The following DNAH14 variants were observed in gnomAD, a reference collection of about 807,000 sequenced individuals.
The protein encoded by DNAH14 is dynein axonemal heavy chain 14, also known as axonemal beta dynein heavy chain 14.
In DNAH14, 478 loss-of-function variants were observed where a neutral mutation model predicts 520.9. The ratio of observed to expected loss-of-function variants is 0.92; its 90% CI spans 0.85 to 0.99. The LOEUF (loss-of-function observed/expected upper bound fraction) is 0.99. Ranked by LOEUF, DNAH14 falls within the 50% of genes least tolerant of loss-of-function variation. The pLI, the probability that DNAH14 is intolerant of heterozygous loss-of-function variation, is 0.00. For synonymous variants in DNAH14, 1,581 were observed against 1,757.2 expected (o/e 0.90, Z 2.51); for missense variants, 4,831 against 5,234.5 (o/e 0.92, Z 2.38).
chr1:225,269,424 G>A (rs1348482319), intron 49 of DNAH14, among the ~76,000 whole-genome samples: 2 of 152,136 alleles, frequency 1.3e-5, no homozygotes, highest in African/African-American at 4.8e-5. Flanking sequence ...CATGGCCAAG[G>A]ACTTCATGTC....
chr1:225,394,424 T>C (rs1018450111), intron 84 of DNAH14, among the ~76,000 whole-genome samples: 4 of 152,220 alleles, frequency 2.6e-5, no homozygotes, highest in Non-Finnish European at 2.9e-5. Flanking sequence ...ATCTTTTATT[T>C]AGGGTTAATG....
At chr1:225,182,252 A>G (rs1369207364) in intron 36 of DNAH14, among the ~76,000 whole-genome samples, 2 of 152,102 alleles carry the variant, frequency 1.3e-5, no homozygotes, top group Non-Finnish European at 2.9e-5. Context: ...AAATGTGGAC[A>G]CCTCATATAT....
chr1:225,155,799 C>T (rs1436110066), intron 34 of DNAH14, among the ~76,000 whole-genome samples: 1 of 152,102 alleles, frequency 6.6e-6, no homozygotes, highest in East Asian at 1.9e-4. Context: ...AGCCCCATTT[C>T]TTTGATTCCT....
At chr1:225,019,399 T>C (rs1324953487) in intron 10 of DNAH14, among the ~76,000 whole-genome samples, 2 of 152,182 alleles carry the variant, frequency 1.3e-5, no homozygotes, top group Non-Finnish European at 2.9e-5. Context: ...ACACCCAATA[T>C]TGGAGCATCT....
chr1:225,000,275 A>G (rs1220308277), intron 8 of DNAH14, among the ~76,000 whole-genome samples: 4 of 152,118 alleles, frequency 2.6e-5, no homozygotes. Flanking sequence ...TCCTATGGAT[A>G]AAGTGTTTTT....
chr1:225,095,914 G>T (rs1301358732), intron 21 of DNAH14, among the ~76,000 whole-genome samples: 4 of 152,016 alleles, frequency 2.6e-5, no homozygotes, highest in African/African-American at 9.7e-5. Context: ...TCTTGATTGT[G>T]GTGATGATTT....
rs573926135 is a variant in DNAH14 at position 225,009,090 on chromosome 1, T to C, written c.1107+1546T>C. ...TCACTCTGATGGTAGTTTCTTTTGC[T>C]GTGCAGAAGCTCTTTAGTTTAATTA... On this transcript the variant is annotated intron_variant, in intron 10 of 85. Coordinates refer to ENST00000682510, the MANE Select transcript of DNAH14 (RefSeq NM_001367479.1). Among the ~76,000 whole-genome samples the C allele has an allele frequency of 3.3e-5, 5 of 152,332 alleles. No homozygotes were observed. The East Asian group carries it at 9.6e-4, about 29-fold the overall frequency.
chr1:225,038,211 GC>G (rs2067145109), intron 11 of DNAH14, among the ~76,000 whole-genome samples: 1 of 152,024 alleles, frequency 6.6e-6, no homozygotes, highest in Non-Finnish European at 1.5e-5. Flanking sequence ...AGACATTTTT[GC>G]CAGATGTACC....
chr1:225,276,809 G>A (rs1289939610), intron 53 of DNAH14, among the ~76,000 whole-genome samples: 1 of 150,512 alleles, frequency 6.6e-6, no homozygotes, highest in African/African-American at 2.4e-5. Flanking sequence ...GTAAGTCCCA[G>A]CTACACAGGG....
intron 27 of DNAH14, among the ~76,000 whole-genome samples, chr1:225,135,991 T>C (rs2078924318): frequency 6.6e-6 from 1 of 152,158 alleles, no homozygotes; most frequent in Non-Finnish European, 1.5e-5. Flanking sequence ...CTTTTTTCTG[T>C]TTTCCATTTG....
At chr1:225,161,570 T>C (rs926495495) in intron 35 of DNAH14, among the ~76,000 whole-genome samples, 1 of 152,194 alleles carries the variant, frequency 6.6e-6, no homozygotes, top group African/African-American at 2.4e-5. Context: ...TTTTTAGTTT[T>C]TTGACCAACC....
rs548131411 is a variant in DNAH14 at position 225,351,227 on chromosome 1, C to A, written c.11297-420C>A. ...TTTGAGACCAGCCTGGCCAACATGG[C>A]AAAAAACACAAAAATTAGCTGGGCA... On this transcript the variant is annotated intron_variant, in intron 71 of 85. Transcript: ENST00000682510. Among the ~76,000 whole-genome samples, 1,209 of 152,024 alleles carry A rather than the reference C, an allele frequency of 8.0e-3. 8 individuals carry two copies. The highest frequency in any genetic ancestry group is 0.036 in the South Asian group (174 of 4,816).
intron 11 of DNAH14, among the ~76,000 whole-genome samples, chr1:225,032,572 T>C (rs954656668): frequency 6.6e-6 from 1 of 152,134 alleles, no homozygotes; most frequent in Admixed American, 6.5e-5. Context: ...GGTAGAATGC[T>C]TTATATCCCT....
intron 8 of DNAH14, among the ~76,000 whole-genome samples, chr1:224,975,187 CT>C (rs1384263421): frequency 2.0e-5 from 3 of 151,794 alleles, no homozygotes; most frequent in Non-Finnish European, 2.9e-5. Flanking sequence ...CTGAAATTCT[CT>C]TTTTTTGTTG....
intron 17 of DNAH14, among the ~76,000 whole-genome samples, chr1:225,075,971 G>T (rs1478173893): frequency 3.5e-5 from 1 of 28,196 alleles, no homozygotes; most frequent in Non-Finnish European, 2.7e-4. Flanking sequence ...TGCTGCTACA[G>T]CACTTAGGCT....
Position 225,392,454 on chromosome 1 carries a change from A to T in DNAH14, c.13491+3A>T. 1.3e-6 allele frequency: 2 copies of T among 1,551,602 alleles called. No homozygotes were observed. Among genetic ancestry groups the T allele is most frequent in the Non-Finnish European group, 1.7e-6 (2 of 1,146,948 alleles). ...ACATAGTCAGGAGAGCGTTTAAGGT[A>T]CTGGAATACTTCAAGGATTAGAAAC... On this transcript the variant is annotated splice_donor_region_variant and intron_variant, in intron 84 of 85. Transcript: ENST00000682510.
At chr1:225,026,995 A>G (rs1452234559) in intron 11 of DNAH14, among the ~76,000 whole-genome samples, 3 of 151,686 alleles carry the variant, frequency 2.0e-5, no homozygotes, top group African/African-American at 7.3e-5. Context: ...TTTTGTAAGT[A>G]TTTTATCATT....
intron 17 of DNAH14, among the ~76,000 whole-genome samples, chr1:225,069,504 A>T (rs1290083301): frequency 6.6e-6 from 1 of 152,118 alleles, no homozygotes; most frequent in Non-Finnish European, 1.5e-5. Context: ...GATGAGTCAC[A>T]TGTATTGATT....
At position 225,043,038 on chromosome 1, in the gene DNAH14, A is replaced by C; in HGVS notation, c.1692A>C (p.Lys564Asn). ...AAAATAAAGACAATTGTGTCAAAAA[A>C]CACTCAAGTGAAGAATTGCTCCCAA... The part of the protein sequence containing the change: ...MSENKDNCVK[K>N]HSSEELLPKA... Residue 564 changes from lysine (K) to asparagine (N), a missense_variant, in exon 13 of 86, where the codon AAA (lysine) becomes AAC (asparagine). Physicochemically the swap from Lys to Asn is moderately conservative, Grantham distance 94 (BLOSUM62 0). Coordinates refer to ENST00000682510, the MANE Select transcript of DNAH14 (RefSeq NM_001367479.1). 6.4e-7 allele frequency: 1 copy of C among 1,551,744 alleles called. No individual in the cohort carries two copies. The highest frequency in any genetic ancestry group is 8.7e-7 in the Non-Finnish European group (1 of 1,147,004).
Sources: allele counts gnomAD v4.1 joint callset (sites outside exome capture counted in the v4.1 genomes callset), GRCh38; gene constraint gnomAD v4.1.1; transcripts MANE v1.5; gene names NCBI Gene and HGNC (gene_info 2026-07-23, HGNC 2026-07-21).